Variants in CUL2 observed in about 807,000 individuals in gnomAD.
CUL2 encodes the protein cullin-2.
In CUL2, 22 loss-of-function variants were observed where a neutral mutation model predicts 110.2. That is an observed-to-expected ratio of 0.20 (90% CI 0.14 to 0.28). The LOEUF is 0.28. CUL2 is among the 10% of genes least tolerant of loss of function. The pLI is 1.00. For synonymous variants in CUL2, 279 were observed against 293.2 expected, an observed-to-expected ratio of 0.95 and a Z score of 0.49; for missense variants, 631 against 905.5, an observed-to-expected ratio of 0.70 and a Z score of 3.89.
intron 15 of CUL2, among the ~76,000 whole-genome samples, 170 bp downstream of exon 15, chr10:35,029,318 A>G (rs2085420029): frequency 6.6e-6 from 1 of 152,198 alleles, no homozygotes; most frequent in Non-Finnish European, 1.5e-5. Flanking sequence ...TGGCCTCTGA[A>G]AGTGCTGGGA....
chr10:35,051,953 CT>C (rs2134859571), intron 5 of CUL2, among the ~76,000 whole-genome samples: 1 of 152,148 alleles, frequency 6.6e-6, no homozygotes, highest in African/African-American at 2.4e-5. Context: ...TTAAGAAATC[CT>C]TCTCTGCCCT....
intron 2 of CUL2, among the ~76,000 whole-genome samples, chr10:35,067,902 T>C (rs1034914348): frequency 6.6e-6 from 1 of 151,050 alleles, no homozygotes; most frequent in African/African-American, 2.4e-5. Flanking sequence ...GGTCAGGAGA[T>C]CGAGACCATC....
chr10:35,088,646 T>C (rs2135073844), intron 1 of CUL2, among the ~76,000 whole-genome samples: 1 of 151,888 alleles, frequency 6.6e-6, no homozygotes, highest in Non-Finnish European at 1.5e-5. Context: ...TTAAAGAAGG[T>C]CCATAACGTT....
In CUL2 at chr10:35,031,229, G is replaced by A. The variant is rs528125464; in HGVS notation, c.1386+71C>T. 2 of 939,406 alleles carry A rather than the reference G, an allele frequency of 2.1e-6. No individual in the cohort carries two copies. Among genetic ancestry groups the A allele is most frequent in the African/African-American group, 3.3e-5 (2 of 60,822 alleles). 58.2% of individuals were successfully genotyped at this position (939,406 alleles called of 1,614,324 possible). A position where few individuals can be genotyped will look rare whatever the true frequency, so the allele number is the denominator to read the frequency against. ...ATTGTTTCCTGTTACTGTACACAATGCTGCAATGAACATCTTTATGTGCTT... is the reference window on the plus strand; with the variant it reads ...ATTGTTTCCTGTTACTGTACACAATACTGCAATGAACATCTTTATGTGCTT... On this transcript the variant is annotated intron_variant, in intron 14 of 20. Coordinates refer to ENST00000374749, the MANE Select transcript of CUL2 (RefSeq NM_003591.4). The surrounding 1 kb of genome is among the most constrained non-coding windows in gnomAD (Gnocchi z 4.4).
intron 2 of CUL2, among the ~76,000 whole-genome samples, chr10:35,068,538 T>C (rs1014040738): frequency 6.6e-5 from 10 of 152,306 alleles, no homozygotes; most frequent in African/African-American, 2.2e-4. Context: ...GTGGGGGTTA[T>C]AGTGAATGTG....
intron 8 of CUL2, among the ~76,000 whole-genome samples, chr10:35,041,679 C>T (rs556894687): frequency 1.5e-4 from 23 of 152,166 alleles, no homozygotes; most frequent in African/African-American, 3.6e-4. Context: ...TATGACCAGA[C>T]GACTACACCA....
chr10:35,122,038 T>A (rs990358054), intron 1 of CUL2, among the ~76,000 whole-genome samples: 3 of 152,198 alleles, frequency 2.0e-5, no homozygotes, highest in African/African-American at 7.2e-5. Flanking sequence ...AACACAGAAC[T>A]GTTAACTCTC....
At chr10:35,021,738 G>A (rs1051851785) in intron 17 of CUL2, among the ~76,000 whole-genome samples, 1 of 150,830 alleles carries the variant, frequency 6.6e-6, no homozygotes, top group Admixed American at 6.6e-5. Flanking sequence ...TCTTAAGCCC[G>A]GGAGGCAGAG....
chr10:35,106,159 A>G (rs2087452486), intron 1 of CUL2, among the ~76,000 whole-genome samples: 1 of 152,202 alleles, frequency 6.6e-6, no homozygotes, highest in Non-Finnish European at 1.5e-5. Flanking sequence ...GTGCCTTTAC[A>G]AAAGAGTTCC....
At chr10:35,015,935 C>A (rs1419060968) in intron 18 of CUL2, among the ~76,000 whole-genome samples, 1 of 152,178 alleles carries the variant, frequency 6.6e-6, no homozygotes. Context: ...GATGGCAATT[C>A]TTTTACAATT....
intron 19 of CUL2, among the ~76,000 whole-genome samples, chr10:35,012,999 A>G (rs2084941784): frequency 6.6e-6 from 1 of 152,176 alleles, no homozygotes; most frequent in Non-Finnish European, 1.5e-5. Context: ...GCTCATTTGC[A>G]TATGAAAGTT....
intron 1 of CUL2, among the ~76,000 whole-genome samples, chr10:35,075,356 G>T (rs553057543): frequency 1.3e-5 from 2 of 152,136 alleles, no homozygotes; most frequent in Non-Finnish European, 2.9e-5. Flanking sequence ...ACACAAGGAT[G>T]TGAAAGAGAC....
In CUL2 at chr10:35,043,144, C is replaced by T. The variant is rs559125350; in HGVS notation, c.714+1422G>A. 2.6e-5 allele frequency among the ~76,000 whole-genome samples: 4 copies of T among 152,262 alleles called. No individual in the cohort carries two copies. In the South Asian group the frequency reaches 8.3e-4, roughly 32 times the overall value. ...ACACGATGAATAATATTCCAATGCA[C>T]ATATGTATCACATTTTGCTTATTCT... On this transcript the variant is annotated intron_variant, in intron 8 of 20. Transcript: ENST00000374749.
chr10:35,103,406 G>A (rs1177175790), intron 1 of CUL2, among the ~76,000 whole-genome samples: 2 of 142,338 alleles, frequency 1.4e-5, no homozygotes, highest in Admixed American at 7.7e-5. Flanking sequence ...CTCACTGCAA[G>A]CTCCGCCTCC....
intron 1 of CUL2, among the ~76,000 whole-genome samples, chr10:35,103,538 T>C (rs2087415797): frequency 6.6e-6 from 1 of 151,950 alleles, no homozygotes; most frequent in Non-Finnish European, 1.5e-5. Context: ...TCAGCCAGGA[T>C]GGTCTCGATC....
At chr10:35,107,637 C>T (rs2087476334) in intron 1 of CUL2, among the ~76,000 whole-genome samples, 1 of 151,908 alleles carries the variant, frequency 6.6e-6, no homozygotes, top group East Asian at 2.0e-4. Context: ...AATCCCAGCA[C>T]TTAGGGAGGC....
intron 1 of CUL2, among the ~76,000 whole-genome samples, chr10:35,087,534 G>C (rs752868045): frequency 6.6e-6 from 1 of 151,934 alleles, no homozygotes; most frequent in Non-Finnish European, 1.5e-5. Context: ...ACCTCCACTT[G>C]AACAACGAAA....
chr10:35,037,682 A>C lies in CUL2; in HGVS notation c.877+1238T>G, dbSNP rs12415636. ...ACATAGTGAAACCTCGTCTCTACTA[A>C]AAATACAAAAATTAGCCAGGTGTGG... On this transcript the variant is annotated intron_variant, in intron 9 of 20. Transcript: ENST00000374749. 7.9e-3 allele frequency among the ~76,000 whole-genome samples: 1,199 copies of C among 152,158 alleles called. 36 individuals carry two copies. The highest frequency in any genetic ancestry group is 0.064 in the East Asian group (330 of 5,158).
intron 1 of CUL2, among the ~76,000 whole-genome samples, chr10:35,119,571 TA>T (rs2087651986): frequency 3.2e-5 from 3 of 92,642 alleles, no homozygotes; most frequent in South Asian, 6.0e-4. Flanking sequence ...TTTATTTATT[TA>T]TTTATTTATT....
Sources: allele counts gnomAD v4.1 joint callset (sites outside exome capture counted in the v4.1 genomes callset), GRCh38; gene constraint gnomAD v4.1.1; non-coding constraint Gnocchi (gnomAD v3.1); transcripts MANE v1.5; gene names NCBI Gene and HGNC (gene_info 2026-07-23, HGNC 2026-07-21).